Variants in FGF12 observed in about 807,000 individuals in gnomAD.
FGF12 encodes fibroblast growth factor 12.
Under a neutral mutation model 23.6 loss-of-function variants are expected in FGF12, and 14 were observed. That is an observed-to-expected ratio of 0.59 (90% CI 0.39 to 0.93). FGF12 has a LOEUF of 0.93. Ranked by LOEUF, FGF12 falls within the 40% of genes least tolerant of loss-of-function variation. The pLI is 0.00. For synonymous variants in FGF12, 62 were observed against 77.3 expected (o/e 0.80, Z 1.04); for missense variants, 175 against 217.8 (o/e 0.80, Z 1.24).
intron 2 of FGF12, among the ~76,000 whole-genome samples, chr3:192,684,719 T>C (rs1422298111): frequency 6.6e-6 from 1 of 152,266 alleles, no homozygotes; most frequent in Non-Finnish European, 1.5e-5. Flanking sequence ...GTTATGTTTA[T>C]AATGCTCTCT....
Position 192,324,483 on chromosome 3 carries a change from T to TA in FGF12, c.228+10877dup, listed in dbSNP as rs1716714189. ...AACACTGAGTGTTGAGTACATAATATACACTGCCCTAGGGCTTTACGTGCA... is the reference window on the plus strand; with the variant it reads ...AACACTGAGTGTTGAGTACATAATATAACACTGCCCTAGGGCTTTACGTGCA... On this transcript the variant is annotated intron_variant, in intron 4 of 5. Coordinates refer to ENST00000445105, the MANE Select transcript of FGF12 (RefSeq NM_004113.6). Among the ~76,000 whole-genome samples, 3 of 152,332 alleles carry TA rather than the reference T, an allele frequency of 2.0e-5. No homozygotes were observed. The South Asian group carries it at 6.2e-4, about 32-fold the overall frequency.
chr3:192,328,880 T>C (rs1451960934), intron 4 of FGF12, among the ~76,000 whole-genome samples: 1 of 152,224 alleles, frequency 6.6e-6, no homozygotes, highest in African/African-American at 2.4e-5. Context: ...AGACTTTCAA[T>C]CAGTATGTAT....
intron 4 of FGF12, among the ~76,000 whole-genome samples, chr3:192,321,067 C>T (rs1028572068): frequency 3.2e-4 from 48 of 151,712 alleles, no homozygotes; most frequent in Non-Finnish European, 6.6e-4. Context: ...TAAGCCAGAC[C>T]AATGAACAAC....
intron 4 of FGF12, among the ~76,000 whole-genome samples, chr3:192,187,652 A>G (rs1382446697): frequency 6.6e-6 from 1 of 152,226 alleles, no homozygotes; most frequent in Non-Finnish European, 1.5e-5. Flanking sequence ...CTTGAATAAG[A>G]ATCAGGACCA....
intron 2 of FGF12, among the ~76,000 whole-genome samples, chr3:192,601,760 C>G (rs562826734): frequency 6.6e-6 from 1 of 152,186 alleles, no homozygotes; most frequent in Admixed American, 6.6e-5. Context: ...TTGCATATCA[C>G]CAGTAAACAT....
At chr3:192,274,725 T>G (rs1165974032) in intron 4 of FGF12, among the ~76,000 whole-genome samples, 1 of 152,208 alleles carries the variant, frequency 6.6e-6, no homozygotes, top group African/African-American at 2.4e-5. Context: ...CAAATTAGCA[T>G]GACTGATGTT....
intron 2 of FGF12, among the ~76,000 whole-genome samples, chr3:192,604,859 T>C (rs1193138980): frequency 6.6e-6 from 1 of 152,066 alleles, no homozygotes; most frequent in African/African-American, 2.4e-5. Flanking sequence ...AAAGCAGATA[T>C]AGACCAATGG....
At chr3:192,515,479 G>C (rs1724639989) in intron 2 of FGF12, 1 of 152,506 alleles carries the variant, frequency 6.6e-6, no homozygotes, top group African/African-American at 2.4e-5. Context: ...TGGACACCTG[G>C]ATTTTCTGGT....
At chr3:192,181,493 A>G (rs1257278778) in intron 4 of FGF12, among the ~76,000 whole-genome samples, 2 of 152,102 alleles carry the variant, frequency 1.3e-5, no homozygotes, top group African/African-American at 4.8e-5. Context: ...ACACTCTACA[A>G]TGTTTTTTAT....
At chr3:192,410,038 G>A (rs1014959949) in intron 2 of FGF12, among the ~76,000 whole-genome samples, 1 of 152,102 alleles carries the variant, frequency 6.6e-6, no homozygotes, top group Non-Finnish European at 1.5e-5. Context: ...TAGCTCCGCA[G>A]GAAACTCGGG....
chr3:192,672,204 G>A (rs1163125414), intron 2 of FGF12, among the ~76,000 whole-genome samples: 2 of 146,538 alleles, frequency 1.4e-5, no homozygotes, highest in Non-Finnish European at 3.1e-5. Flanking sequence ...GGGTGGGTAG[G>A]AGTGGGTGAT....
intron 2 of FGF12, among the ~76,000 whole-genome samples, chr3:192,428,018 A>G (rs1721746393): frequency 1.3e-5 from 2 of 152,226 alleles, no homozygotes; most frequent in African/African-American, 4.8e-5. Flanking sequence ...CCAAAGCCAA[A>G]GGATGTTAAT....
chr3:192,616,338 A>G (rs1286810691), intron 2 of FGF12, among the ~76,000 whole-genome samples: 1 of 152,124 alleles, frequency 6.6e-6, no homozygotes, highest in Non-Finnish European at 1.5e-5. Context: ...GAAATGGAAT[A>G]CCATCAGTGA....
At chr3:192,567,729 A>G (rs1274353835) in intron 2 of FGF12, among the ~76,000 whole-genome samples, 2 of 144,994 alleles carry the variant, frequency 1.4e-5, no homozygotes, top group African/African-American at 5.1e-5. Flanking sequence ...GGTCTTCTCC[A>G]TGTGTCTCTT....
At chr3:192,459,402 G>A (rs924141913) in intron 2 of FGF12, among the ~76,000 whole-genome samples, 2 of 152,166 alleles carry the variant, frequency 1.3e-5, no homozygotes, top group Non-Finnish European at 2.9e-5. Flanking sequence ...TGGTATTTAG[G>A]AGACATAAGT....
At chr3:192,530,182 G>A (rs1725051377) in intron 2 of FGF12, among the ~76,000 whole-genome samples, 1 of 151,338 alleles carries the variant, frequency 6.6e-6, no homozygotes, top group Non-Finnish European at 1.5e-5. Context: ...TCTCTCACTT[G>A]GTGGAGCTTA....
At chr3:192,535,022 C>T (rs189452183) in intron 2 of FGF12, among the ~76,000 whole-genome samples, 12 of 150,898 alleles carry the variant, frequency 8.0e-5, no homozygotes, top group Middle Eastern at 3.4e-3. Flanking sequence ...AGTGGTATTC[C>T]TGACTCCTTT....
intron 2 of FGF12, among the ~76,000 whole-genome samples, chr3:192,627,414 T>C (rs970780769): frequency 1.2e-4 from 18 of 152,104 alleles, no homozygotes; most frequent in African/African-American, 4.1e-4. Context: ...AACACTTATA[T>C]GTAAATTTTA....
intron 4 of FGF12, among the ~76,000 whole-genome samples, chr3:192,263,213 A>G (rs1188593588): frequency 6.6e-6 from 1 of 152,148 alleles, no homozygotes; most frequent in African/African-American, 2.4e-5. Context: ...TAAAATGTTG[A>G]GTATGACATC....
Sources: gnomAD v4.1 joint callset for allele counts (sites outside exome capture counted in the v4.1 genomes callset) on GRCh38, gnomAD v4.1.1 for gene constraint, MANE v1.5 for transcripts, NCBI Gene and HGNC (gene_info 2026-07-23, HGNC 2026-07-21) for gene names.